Variants in DGKI observed in about 807,000 individuals in gnomAD.
DGKI encodes DAG kinase iota.
Under a neutral mutation model 147.5 loss-of-function variants are expected in DGKI, and 55 were observed. The observed-to-expected ratio is 0.37, with a 90% CI of 0.30 to 0.47. The LOEUF (loss-of-function observed/expected upper bound fraction) is 0.47, where lower values mean the gene tolerates loss of function less well. Among genes scored for constraint, DGKI ranks in the 20% least tolerant of loss-of-function variants. The pLI is 1.00. For synonymous variants in DGKI, 469 were observed against 477.1 expected (o/e 0.98, Z 0.22); for missense variants, 1,007 against 1,323.8 (o/e 0.76, Z 3.71).
At chr7:137,651,890 T>C (rs1563132873) in intron 5 of DGKI, among the ~76,000 whole-genome samples, 1 of 152,018 alleles carries the variant, frequency 6.6e-6, no homozygotes, top group African/African-American at 2.4e-5. Context: ...AACAGAAAAA[T>C]AAATAATACC....
chr7:137,691,798 GTTTTTTTTTTT>G (rs796902464), intron 1 of DGKI, among the ~76,000 whole-genome samples: 1 of 95,814 alleles, frequency 1.0e-5, no homozygotes, highest in African/African-American at 3.9e-5. Flanking sequence ...AGACCTTTGG[GTTTTTTTTTTT>G]TTTTTTTTTT....
intron 3 of DGKI, among the ~76,000 whole-genome samples, chr7:137,677,670 T>C (rs1823080073): frequency 6.6e-6 from 1 of 152,214 alleles, no homozygotes; most frequent in Non-Finnish European, 1.5e-5. Context: ...TCATCTGCAA[T>C]TTCAAGGCCC....
At chr7:137,599,580 C>T (rs564765149) in intron 11 of DGKI, among the ~76,000 whole-genome samples, 2 of 152,216 alleles carry the variant, frequency 1.3e-5, no homozygotes, top group South Asian at 4.1e-4. Flanking sequence ...GTTACACATA[C>T]GTAAGTAACA....
intron 19 of DGKI, among the ~76,000 whole-genome samples, 200 bp from the exon 20 acceptor site, chr7:137,552,768 A>G (rs1336137837): frequency 6.6e-6 from 1 of 151,566 alleles, no homozygotes; most frequent in Non-Finnish European, 1.5e-5. Flanking sequence ...AAAAAAAAAA[A>G]GCTGGGCATG....
At chr7:137,633,926 A>G (rs1821223280) in intron 6 of DGKI, among the ~76,000 whole-genome samples, 1 of 152,216 alleles carries the variant, frequency 6.6e-6, no homozygotes, top group Non-Finnish European at 1.5e-5. Context: ...GGTCCACCAT[A>G]TCAGCAGCAT....
chr7:137,708,187 T>C (rs915113291), intron 1 of DGKI, among the ~76,000 whole-genome samples: 4 of 152,256 alleles, frequency 2.6e-5, no homozygotes, highest in Non-Finnish European at 5.9e-5. Context: ...GCATATGTTC[T>C]AATGGAGATT....
chr7:137,846,838 G>A lies in DGKI; in HGVS notation c.25C>T (p.His9Tyr). 8.7e-7 allele frequency: 1 copy of A among 1,149,408 alleles called. No individual in the cohort carries two copies. Among genetic ancestry groups the A allele is most frequent in the Non-Finnish European group, 1.1e-6 (1 of 934,678 alleles). The allele number at this position is 1,149,408 out of a possible 1,614,324, so 71.2% of individuals were successfully genotyped here. Reference protein sequence around the residue: MDAAGRGCHLLPLPAARGP... With the variant: MDAAGRGCYLLPLPAARGP... ...CGCGCCGCTGGCAGGGGCAGCAAAT[G>A]GCAGCCCCTTCCCGCAGCATCCATC... The change falls in exon 1 of 33, where the codon CAT becomes TAT. Residue 9 changes from histidine to tyrosine, a missense_variant. His to Tyr is a moderately conservative substitution (Grantham distance 83). Coordinates refer to ENST00000614521, the MANE Select transcript of DGKI (RefSeq NM_001321708.2). This position sits in a 1 kb window ranked among gnomAD's most constrained non-coding sequence, Gnocchi z 4.0.
chr7:137,449,787 T>C (rs1329463291), intron 27 of DGKI, among the ~76,000 whole-genome samples: 1 of 152,142 alleles, frequency 6.6e-6, no homozygotes, highest in African/African-American at 2.4e-5. Context: ...TAAAAGTAAG[T>C]ATTAAAAGAA....
chr7:137,778,028 C>G (rs997641011), intron 1 of DGKI, among the ~76,000 whole-genome samples: 1 of 152,122 alleles, frequency 6.6e-6, no homozygotes, highest in Non-Finnish European at 1.5e-5. Context: ...CCTACCAAGG[C>G]GTACACAGCT....
In DGKI at chr7:137,465,950, G is replaced by A. The variant is rs778046149; in HGVS notation, c.2570C>T (p.Thr857Ile). ...PDMVVSQPAGTPPGMPDLVVE... is the reference protein window; with the variant it reads ...PDMVVSQPAGIPPGMPDLVVE... ...CACCAGGTCAGGCATGCCCGGAGGT[G>A]TCCCCGCCGGCTGTGACACCACCAT... The change falls in exon 26 of 33, where the codon ACA (threonine) becomes ATA (isoleucine). Residue 857 changes from threonine (T) to isoleucine (I), a missense_variant. Coordinates refer to ENST00000614521, the MANE Select transcript of DGKI (RefSeq NM_001321708.2). 3.1e-6 allele frequency: 5 copies of A among 1,614,048 alleles called. No homozygotes were observed. The South Asian group carries it at 3.3e-5, about 11-fold the overall frequency.
chr7:137,554,571 T>A lies in DGKI; in HGVS notation c.1948-2003A>T, dbSNP rs528535318. 2.6e-5 allele frequency among the ~76,000 whole-genome samples: 4 copies of A among 152,310 alleles called. No individual in the cohort carries two copies. The East Asian group carries it at 7.7e-4, about 29-fold the overall frequency. ...ACTGCAGCTATGTCTTGAGATTTTCTATCTTTTCACACTACACTCTTCCCT... is the reference window on the plus strand; with the variant it reads ...ACTGCAGCTATGTCTTGAGATTTTCAATCTTTTCACACTACACTCTTCCCT... On this transcript the variant is annotated intron_variant, in intron 19 of 32. Transcript: ENST00000614521.
intron 1 of DGKI, among the ~76,000 whole-genome samples, chr7:137,826,671 CT>C (rs1374088806): frequency 1.3e-5 from 2 of 151,942 alleles, no homozygotes; most frequent in Non-Finnish European, 2.9e-5. Flanking sequence ...AATCTATCCA[CT>C]TCATTTTTGT....
At chr7:137,522,403 T>C (rs1816993697) in intron 20 of DGKI, among the ~76,000 whole-genome samples, 1 of 151,966 alleles carries the variant, frequency 6.6e-6, no homozygotes, top group Non-Finnish European at 1.5e-5. Context: ...AAAAACTATC[T>C]TTAAAAAGCA....
chr7:137,606,799 A>C (rs913460005), intron 10 of DGKI, among the ~76,000 whole-genome samples: 16 of 152,200 alleles, frequency 1.1e-4, no homozygotes, highest in Admixed American at 2.6e-4. Flanking sequence ...CCAATAACTT[A>C]ATATGCATGC....
intron 1 of DGKI, chr7:137,843,380 A>C (rs1055028831): frequency 7.8e-5 from 77 of 983,420 alleles, no homozygotes; most frequent in Admixed American, 1.2e-4. Context: ...ATTTTAAAAG[A>C]AAAGTACCAG....
intron 23 of DGKI, among the ~76,000 whole-genome samples, chr7:137,475,541 C>G (rs78208200): frequency 0.019 from 2,944 of 152,282 alleles, 85 homozygotes; most frequent in African/African-American, 0.067. Flanking sequence ...GCTAATTTGT[C>G]AGTTGTCACA....
chr7:137,823,932 T>C (rs962880044), intron 1 of DGKI, among the ~76,000 whole-genome samples: 1 of 152,194 alleles, frequency 6.6e-6, no homozygotes. Flanking sequence ...CATAGCACAC[T>C]GGGTGACTCG....
At chr7:137,687,003 G>A (rs1175523824) in intron 2 of DGKI, among the ~76,000 whole-genome samples, 1 of 152,146 alleles carries the variant, frequency 6.6e-6, no homozygotes, top group Non-Finnish European at 1.5e-5. Flanking sequence ...GATGAAGGAA[G>A]AAGAATAGAG....
chr7:137,637,258 T>C (rs1821345813), intron 6 of DGKI, among the ~76,000 whole-genome samples: 1 of 152,196 alleles, frequency 6.6e-6, no homozygotes, highest in Non-Finnish European at 1.5e-5. Context: ...TTCATACACA[T>C]AAATCTCAAC....
Sources: allele counts gnomAD v4.1 joint callset (sites outside exome capture counted in the v4.1 genomes callset), GRCh38; gene constraint gnomAD v4.1.1; non-coding constraint Gnocchi (gnomAD v3.1); transcripts MANE v1.5; gene names NCBI Gene and HGNC (gene_info 2026-07-23, HGNC 2026-07-21).